The following GMCL1 variants were observed in gnomAD, a reference collection of about 807,000 sequenced individuals.
GMCL1 encodes the protein germ cell-less protein-like 1.
In GMCL1, 54 loss-of-function variants were observed where a neutral mutation model predicts 75.5. The ratio of observed to expected loss-of-function variants is 0.71; its 90% confidence interval spans 0.57 to 0.90. The LOEUF (loss-of-function observed/expected upper bound fraction) is 0.90, where lower values mean the gene tolerates loss of function less well. Among genes scored for constraint, GMCL1 ranks in the 40% least tolerant of loss-of-function variants. GMCL1 has a pLI of 0.00. For synonymous variants in GMCL1, 210 were observed against 209.6 expected (o/e 1.00, Z -0.02); for missense variants, 537 against 622.7 (o/e 0.86, Z 1.47).
chr2:69,860,825 G>A (rs986207173), intron 9 of GMCL1, among the ~76,000 whole-genome samples: 5 of 151,936 alleles, frequency 3.3e-5, no homozygotes, highest in Non-Finnish European at 5.9e-5. Context: ...TACCAGTTTC[G>A]TTTGTTTGTT....
intron 9 of GMCL1, among the ~76,000 whole-genome samples, chr2:69,855,729 A>C (rs1334011572): frequency 6.6e-6 from 1 of 152,194 alleles, no homozygotes; most frequent in Non-Finnish European, 1.5e-5. Context: ...TCACTTTAGC[A>C]AGTTTATAGA....
intron 1 of GMCL1, among the ~76,000 whole-genome samples, chr2:69,832,666 G>A (rs374478435): frequency 6.6e-6 from 1 of 152,256 alleles, no homozygotes; most frequent in East Asian, 1.9e-4. Flanking sequence ...CAAGTAAACA[G>A]CATATAGTTG....
intron 4 of GMCL1, 140 bp from the exon 5 acceptor site, chr2:69,842,998 AAAAAAAAAACT>A: frequency 3.1e-6 from 1 of 320,400 alleles, no homozygotes; most frequent in Admixed American, 5.0e-5. Flanking sequence ...GTTAAAAAAA[AAAAAAAAAACT>A]TAGGTTTGCT....
chr2:69,855,329 T>A (rs1055372208), intron 9 of GMCL1, among the ~76,000 whole-genome samples: 8 of 151,956 alleles, frequency 5.3e-5, no homozygotes, highest in Non-Finnish European at 8.8e-5. Context: ...TTTGTTTATT[T>A]TGATTTTTTC....
At chr2:69,840,895 A>G (rs1674964363) in intron 3 of GMCL1, 47 bp from the exon 4 acceptor site, 1 of 1,286,702 alleles carries the variant, frequency 7.8e-7, no homozygotes, top group East Asian at 2.4e-5. Flanking sequence ...TAACACTTGT[A>G]ATAGATATAA....
chr2:69,837,581 C>A lies in GMCL1; in HGVS notation c.295C>A (p.Gln99Lys), dbSNP rs770098441. Residue 99 changes from glutamine to lysine, a missense_variant, in exon 2 of 14, where the codon CAA (glutamine) becomes AAA (lysine). By Grantham distance (53) the Gln-to-Lys change is moderately conservative (BLOSUM62 1). Coordinates refer to ENST00000282570, the MANE Select transcript of GMCL1 (RefSeq NM_178439.5). ...AAAGAGTACATCTAAATATATTTAT[C>A]AAACATTATTTTTGAATGGTGAAAA... ...KLKSTSKYIY[Q>K]TLFLNGENSD... 3 of 1,594,826 alleles carry A rather than the reference C, an allele frequency of 1.9e-6. No homozygotes were observed. The highest frequency in any genetic ancestry group is 8.5e-7 in the Non-Finnish European group (1 of 1,170,972).
intron 10 of GMCL1, 151 bp downstream of exon 10, chr2:69,861,498 CATT>C (rs1045812440): frequency 1.7e-5 from 9 of 526,712 alleles, no homozygotes; most frequent in South Asian, 6.3e-5. Context: ...ATTTTTGCAA[CATT>C]ATCAGTCTTA....
Position 69,829,968 on chromosome 2 carries a change from G to A in GMCL1, c.76G>A (p.Gly26Arg), listed in dbSNP as rs1674621483. Residue 26 changes from glycine (G) to arginine (R), a missense_variant, in exon 1 of 14, where the codon GGG becomes AGG. Gly to Arg is a moderately radical substitution (Grantham distance 125, BLOSUM62 -2). Transcript: ENST00000282570. ...LAQQAQGARA[G>R]GSARRPDTGD... ...CCAGCAGGCGCAGGGTGCCAGGGCG[G>A]GGGGCTCGGCCCGGAGGCCGGACAC... is the stretch of plus-strand genomic sequence containing the variant. The A allele has an allele frequency of 6.3e-7, 1 of 1,587,748 alleles. No individual in the cohort carries two copies. The highest frequency in any genetic ancestry group is 8.6e-7 in the Non-Finnish European group (1 of 1,166,814).
At chr2:69,847,075 T>C (rs1411952833) in intron 6 of GMCL1, among the ~76,000 whole-genome samples, 2 of 150,506 alleles carry the variant, frequency 1.3e-5, no homozygotes, top group African/African-American at 4.9e-5. Flanking sequence ...TGGCCTCAAA[T>C]GATTCTCCTG....
At chr2:69,871,489 A>T (rs1675979145) in intron 12 of GMCL1, among the ~76,000 whole-genome samples, 1 of 152,224 alleles carries the variant, frequency 6.6e-6, no homozygotes, top group African/African-American at 2.4e-5. Flanking sequence ...TATATACTTT[A>T]AAATGGTTAA....
In GMCL1 at chr2:69,880,981, G is replaced by GA. The variant is rs1676262589; in HGVS notation, c.*1982dup. 1.3e-5 allele frequency: 2 copies of GA among 151,656 alleles called. No homozygotes were observed. The highest frequency in any genetic ancestry group is 4.2e-4 in the South Asian group (2 of 4,810). The allele number at this position is 151,656 out of a possible 1,614,324, so 9.4% of individuals were successfully genotyped here. On this transcript the variant is annotated 3_prime_UTR_variant, in exon 14 of 14. Coordinates refer to ENST00000282570, the MANE Select transcript of GMCL1 (RefSeq NM_178439.5). ...AGAGTTTCCTTACCCTTTATGTATT[G>GA]AAAAATATATAAATTCCAAACTTAA...
chr2:69,872,223 C>T (rs554549174), intron 13 of GMCL1, among the ~76,000 whole-genome samples: 1 of 152,266 alleles, frequency 6.6e-6, no homozygotes, highest in South Asian at 2.1e-4. Context: ...CTGTATGTCT[C>T]CATAGCTCCG....
chr2:69,875,645 T>C (rs905878843), intron 13 of GMCL1, among the ~76,000 whole-genome samples: 3 of 152,164 alleles, frequency 2.0e-5, no homozygotes, highest in Non-Finnish European at 4.4e-5. Context: ...TTGTAGTTTT[T>C]CCCATATTGT....
At chr2:69,866,315 C>G (rs920816123) in intron 11 of GMCL1, among the ~76,000 whole-genome samples, 3 of 151,414 alleles carry the variant, frequency 2.0e-5, no homozygotes, top group Non-Finnish European at 4.4e-5. Context: ...GAGACATGAA[C>G]TACATTTTTA....
intron 5 of GMCL1, among the ~76,000 whole-genome samples, chr2:69,843,464 A>C (rs7571357): frequency 2.9e-4 from 44 of 152,118 alleles, no homozygotes. Context: ...GTAAGTGACC[A>C]TAGGTGGGTT....
At chr2:69,867,370 C>G (rs966944029) in intron 11 of GMCL1, among the ~76,000 whole-genome samples, 1 of 152,110 alleles carries the variant, frequency 6.6e-6, no homozygotes, top group Admixed American at 6.5e-5. Context: ...TTCCTGTGAG[C>G]ATACCCTCAA....
chr2:69,876,112 C>G (rs1228650770), intron 13 of GMCL1, among the ~76,000 whole-genome samples: 1 of 152,070 alleles, frequency 6.6e-6, no homozygotes, highest in Non-Finnish European at 1.5e-5. Flanking sequence ...TAAGACCATG[C>G]TAAATGGATT....
chr2:69,860,824 C>T (rs576706826), intron 9 of GMCL1, among the ~76,000 whole-genome samples: 10 of 152,162 alleles, frequency 6.6e-5, no homozygotes, highest in Admixed American at 2.6e-4. Flanking sequence ...CTACCAGTTT[C>T]GTTTGTTTGT....
In GMCL1 at chr2:69,879,136, T is replaced by C; in HGVS notation, c.*132T>C. The C allele has an allele frequency of 1.6e-6, 1 of 626,268 alleles. No homozygotes were observed. Among genetic ancestry groups the C allele is most frequent in the South Asian group, 1.9e-5 (1 of 52,000 alleles). The allele number at this position is 626,268 out of a possible 1,614,324, so 38.8% of individuals were successfully genotyped here. A position where few individuals can be genotyped will look rare whatever the true frequency, so the allele number is the denominator to read the frequency against. ...TATTCACATCGAAGGTGACTAACAATGACAAAGGCCTTATGAACTGTACAG... is the reference window on the plus strand; with the variant it reads ...TATTCACATCGAAGGTGACTAACAACGACAAAGGCCTTATGAACTGTACAG... On this transcript the variant is annotated 3_prime_UTR_variant, in exon 14 of 14. Transcript: ENST00000282570.
Sources: allele counts gnomAD v4.1 joint callset (sites outside exome capture counted in the v4.1 genomes callset), GRCh38; gene constraint gnomAD v4.1.1; transcripts MANE v1.5; gene names NCBI Gene and HGNC (gene_info 2026-07-23, HGNC 2026-07-21).